Variants in PNKD observed in about 807,000 individuals in gnomAD.
The protein encoded by PNKD is probable thioesterase PNKD.
Under a neutral mutation model 45.3 loss-of-function variants are expected in PNKD, and 36 were observed. The ratio of observed to expected loss-of-function variants is 0.80; its 90% confidence interval spans 0.61 to 1.05. The LOEUF is 1.05. Ranked by LOEUF, PNKD falls within the 50% of genes least tolerant of loss-of-function variation. PNKD has a pLI of 0.00. For missense variants in PNKD, 511 were observed against 506.6 expected, an observed-to-expected ratio of 1.01 and a Z score of -0.08; for synonymous variants, 197 against 210.1, an observed-to-expected ratio of 0.94 and a Z score of 0.54.
intron 2 of PNKD, chr2:218,276,913 C>T: frequency 3.7e-6 from 4 of 1,073,872 alleles, no homozygotes; most frequent in South Asian, 1.3e-5. Context: ...GAGCCTGCCC[C>T]GGGGACCTTT....
At chr2:218,308,739 C>T (rs748413393) in intron 2 of PNKD, among the ~76,000 whole-genome samples, 2 of 151,646 alleles carry the variant, frequency 1.3e-5, no homozygotes, top group Non-Finnish European at 2.9e-5. Flanking sequence ...GGAGCTGCCA[C>T]CACCCCTCAG....
At chr2:218,298,205 T>C (rs1379972540) in intron 2 of PNKD, among the ~76,000 whole-genome samples, 1 of 152,188 alleles carries the variant, frequency 6.6e-6, no homozygotes, top group African/African-American at 2.4e-5. Flanking sequence ...TCCACCATGC[T>C]GCAGGCAGGG....
chr2:218,279,338 AGAT>A (rs1691611941), intron 2 of PNKD: 1 of 1,585,310 alleles, frequency 6.3e-7, no homozygotes, highest in Non-Finnish European at 8.6e-7. Context: ...AGCTGCACGG[AGAT>A]GATGGAGTAA....
chr2:218,289,636 A>AAAC (rs1692800789), intron 2 of PNKD, among the ~76,000 whole-genome samples: 3 of 150,566 alleles, frequency 2.0e-5, no homozygotes, highest in Admixed American at 6.6e-5. Flanking sequence ...AAAAAAAAAA[A>AAAC]AAAAAAAAAA....
chr2:218,319,880 A>G (rs1371088093), intron 2 of PNKD, among the ~76,000 whole-genome samples: 2 of 152,278 alleles, frequency 1.3e-5, no homozygotes, highest in Non-Finnish European at 2.9e-5. Flanking sequence ...TTATTTCCAC[A>G]TGGAGGGGTT....
At chr2:218,309,153 C>T (rs1440562594) in intron 2 of PNKD, among the ~76,000 whole-genome samples, 2 of 152,030 alleles carry the variant, frequency 1.3e-5, no homozygotes, top group African/African-American at 4.8e-5. Flanking sequence ...GCACCCACTA[C>T]CACGTTCAGC....
intron 2 of PNKD, chr2:218,275,902 T>C: frequency 1.7e-6 from 2 of 1,184,868 alleles, no homozygotes; most frequent in Non-Finnish European, 2.4e-6. Context: ...TGGACAGTAG[T>C]GAGAGGAATG....
At chr2:218,304,834 G>C (rs947141427) in intron 2 of PNKD, among the ~76,000 whole-genome samples, 5 of 151,950 alleles carry the variant, frequency 3.3e-5, no homozygotes, top group Non-Finnish European at 5.9e-5. Context: ...CAGCACTTTG[G>C]GAGGCTGAGG....
intron 2 of PNKD, among the ~76,000 whole-genome samples, chr2:218,332,273 G>A (rs1046571685): frequency 3.9e-5 from 6 of 152,168 alleles, no homozygotes; most frequent in Non-Finnish European, 7.3e-5. Context: ...CTGCGCTGGG[G>A]GCAGTGGAAG....
At chr2:218,277,304 G>C in intron 2 of PNKD, 1 of 1,483,004 alleles carries the variant, frequency 6.7e-7, no homozygotes, top group Non-Finnish European at 9.4e-7. Flanking sequence ...TAGTGTGCCG[G>C]GGTCCGGGCC....
chr2:218,282,294 A>C (rs1692102850), intron 2 of PNKD: 1 of 603,262 alleles, frequency 1.7e-6, no homozygotes, highest in Non-Finnish European at 2.7e-6. Flanking sequence ...AACACCACCT[A>C]TTTTCTCCTT....
intron 2 of PNKD, chr2:218,277,198 G>A (rs1314661664): frequency 1.7e-6 from 2 of 1,188,412 alleles, no homozygotes; most frequent in African/African-American, 1.5e-5. Flanking sequence ...CTCCTAGGGG[G>A]TATGGGAATG....
At chr2:218,277,010 G>C (rs1171084656) in intron 2 of PNKD, 1 of 1,613,806 alleles carries the variant, frequency 6.2e-7, no homozygotes, top group Non-Finnish European at 8.5e-7. Flanking sequence ...TCACGTATTG[G>C]AAGTAGAGCA....
At chr2:218,270,623 GA>G in intron 1 of PNKD, 21 bp downstream of exon 1, 2 of 805,488 alleles carry the variant, frequency 2.5e-6, no homozygotes, top group Non-Finnish European at 3.5e-6. Context: ...GGACCCCGGG[GA>G]GGGCAGGACT....
intron 2 of PNKD, chr2:218,292,651 G>C (rs905448971): frequency 2.6e-5 from 4 of 152,132 alleles, no homozygotes; most frequent in Admixed American, 2.6e-4. Context: ...TCAGAGCCCC[G>C]ACGACGCCTC....
chr2:218,301,878 A>G (rs551542079), intron 2 of PNKD, among the ~76,000 whole-genome samples: 78 of 152,272 alleles, frequency 5.1e-4, no homozygotes, highest in Admixed American at 1.1e-3. Context: ...ATGAGGGGCC[A>G]ACTGTGTGCC....
chr2:218,306,946 G>A (rs547522459), intron 2 of PNKD, among the ~76,000 whole-genome samples: 1 of 152,316 alleles, frequency 6.6e-6, no homozygotes, highest in South Asian at 2.1e-4. Flanking sequence ...AATATCCTAA[G>A]TGGAAAATGC....
In PNKD at chr2:218,340,858, C is replaced by T. The variant is rs1037495279; in HGVS notation, c.524+72C>T. The T allele has an allele frequency of 7.8e-6, 10 of 1,276,096 alleles. No individual in the cohort carries two copies. The highest frequency in any genetic ancestry group is 5.9e-5 in the African/African-American group (4 of 68,246). 79.0% of individuals were successfully genotyped at this position (1,276,096 alleles called of 1,614,324 possible). A position where few individuals can be genotyped will look rare whatever the true frequency, so the allele number is the denominator to read the frequency against. On this transcript the variant is annotated intron_variant, in intron 5 of 9. Coordinates refer to ENST00000273077, the MANE Select transcript of PNKD (RefSeq NM_015488.5). This position sits in a 1 kb window ranked among gnomAD's most constrained non-coding sequence, Gnocchi z 4.2. ...TTGCCAGGACTGGGCCCATTGAGGA[C>T]GGCCGGGGCCAGAGATCAAGAAGTC...
chr2:218,323,472 G>A lies in PNKD; in HGVS notation c.237-16311G>A, dbSNP rs1231867745. The A allele has an allele frequency of 2.7e-6, 4 of 1,490,338 alleles. 1 individual carries two copies. Among genetic ancestry groups the A allele is most frequent in the South Asian group, 2.6e-5 (2 of 78,124 alleles). The allele number at this position is 1,490,338 out of a possible 1,614,324, so 92.3% of individuals were successfully genotyped here. A position where few individuals can be genotyped will look rare whatever the true frequency, so the allele number is the denominator to read the frequency against. On this transcript the variant is annotated intron_variant, in intron 2 of 9. Transcript: ENST00000273077. ...CCGAAGCGTGCGGGCTCGGGAGGCG[G>A]GCGCGCTGGGAGAGGGGACTGGGAG...
Sources: allele counts gnomAD v4.1 joint callset (sites outside exome capture counted in the v4.1 genomes callset), GRCh38; gene constraint gnomAD v4.1.1; non-coding constraint Gnocchi (gnomAD v3.1); transcripts MANE v1.5; gene names NCBI Gene and HGNC (gene_info 2026-07-23, HGNC 2026-07-21).